Variants in IGSF3 observed in about 807,000 individuals in gnomAD.
IGSF3 encodes immunoglobulin superfamily member 3.
A neutral mutation model predicts 114.4 loss-of-function variants in IGSF3; 23 were observed. The observed-to-expected ratio is 0.20, with a 90% CI of 0.14 to 0.28. The LOEUF (loss-of-function observed/expected upper bound fraction) is 0.28, where lower values mean the gene tolerates loss of function less well. Among genes scored for constraint, IGSF3 ranks in the 10% least tolerant of loss-of-function variants. IGSF3 has a pLI of 1.00. For missense variants in IGSF3, 1,172 were observed against 1,591.5 expected, an observed-to-expected ratio of 0.74 and a Z score of 4.48; for synonymous variants, 571 against 645.2, an observed-to-expected ratio of 0.88 and a Z score of 1.74.
chr1:116,666,765 A>T lies in IGSF3; in HGVS notation c.-439T>A. On this transcript the variant is annotated 5_prime_UTR_variant, in exon 2 of 11. Coordinates refer to ENST00000369486, the MANE Select transcript of IGSF3 (RefSeq NM_001007237.3). ...TCGGATTCCCCAGAGAGAACAGGGCAGGTTTCGTCAAAACCTTTGACGGCC... is the reference window on the plus strand; with the variant it reads ...TCGGATTCCCCAGAGAGAACAGGGCTGGTTTCGTCAAAACCTTTGACGGCC... The T allele has an allele frequency of 2.4e-6, 1 of 422,124 alleles. No homozygotes were observed. The highest frequency in any genetic ancestry group is 4.2e-6 in the Non-Finnish European group (1 of 240,022). 26.1% of individuals were successfully genotyped at this position (422,124 alleles called of 1,614,324 possible).
intron 5 of IGSF3, among the ~76,000 whole-genome samples, chr1:116,606,984 C>T (rs183823992): frequency 1.3e-5 from 2 of 152,158 alleles, no homozygotes; most frequent in East Asian, 3.9e-4. Flanking sequence ...ACCGCTGTGG[C>T]TACTTGAAGA....
In IGSF3 at chr1:116,648,498, G is replaced by A. The variant is rs550602578; in HGVS notation, c.43+17786C>T. Among the ~76,000 whole-genome samples the A allele has an allele frequency of 1.3e-5, 2 of 152,290 alleles. No homozygotes were observed. Among genetic ancestry groups the A allele is most frequent in the East Asian group, 3.9e-4 (2 of 5,176 alleles). On this transcript the variant is annotated intron_variant, in intron 2 of 10. Transcript: ENST00000369486. This position sits in a 1 kb window ranked among gnomAD's most constrained non-coding sequence, Gnocchi z 4.7. ...TCTGCACTTTTACCTGCTGCCTGAC[G>A]AAAACCAGATGCCAAAGCCAAAGGC...
chr1:116,603,670 A>T lies in IGSF3; in HGVS notation c.1578T>A (p.Ile526=), dbSNP rs1466087139. Residue 526 remains isoleucine (I), a synonymous_variant, in exon 6 of 11, where the codon ATT becomes ATA. Coordinates refer to ENST00000369486, the MANE Select transcript of IGSF3 (RefSeq NM_001007237.3). This position sits in a 1 kb window ranked among gnomAD's most constrained non-coding sequence, Gnocchi z 7.1. ...GAGTGCTGGCCCGGCGCTCCCCAAC[A>T]ATCTGCCACTCGCCATCCACTGCCC... The part of the protein sequence containing the change: ...WVRAVDGEWQ[I]VGERRASTPI... 3 of 1,613,668 alleles carry T rather than the reference A, an allele frequency of 1.9e-6. No homozygotes were observed. The highest frequency in any genetic ancestry group is 2.5e-6 in the Non-Finnish European group (3 of 1,179,804).
intron 6 of IGSF3, among the ~76,000 whole-genome samples, chr1:116,601,238 T>A (rs1316062386): frequency 6.6e-6 from 1 of 152,212 alleles, no homozygotes; most frequent in African/African-American, 2.4e-5. Context: ...AGAGGTTAGA[T>A]AAATTGCCCA....
At position 116,655,012 on chromosome 1, in the gene IGSF3, TTAAG is replaced by T. The variant is rs1447251851; in HGVS notation, c.43+11268_43+11271del. 6.6e-6 allele frequency among the ~76,000 whole-genome samples: 1 copy of T among 151,888 alleles called. No homozygotes were observed. The highest frequency in any genetic ancestry group is 6.6e-5 in the Admixed American group (1 of 15,236). On this transcript the variant is annotated intron_variant, in intron 2 of 10. Transcript: ENST00000369486. The surrounding 1 kb of genome is among the most constrained non-coding windows in gnomAD (Gnocchi z 4.3). The stretch of plus-strand genomic sequence containing the variant: ...GAGAACAAAACAGGAAGAAAAGAGG[TTAAG>T]TAATGGCAAGAAAAAAGATGTACCT...
In IGSF3 at chr1:116,615,845, A is replaced by G. The variant is rs1661195176; in HGVS notation, c.421+235T>C. 6.6e-6 allele frequency among the ~76,000 whole-genome samples: 1 copy of G among 152,230 alleles called. No homozygotes were observed. Among genetic ancestry groups the G allele is most frequent in the Admixed American group, 6.5e-5 (1 of 15,286 alleles). Reference sequence around the variant, plus strand: ...TTTTCACCAGTTACAGGGTTAGTTAACTTATGAAATTCTTAACATCTGCAT... The same window carrying G: ...TTTTCACCAGTTACAGGGTTAGTTAGCTTATGAAATTCTTAACATCTGCAT... On this transcript the variant is annotated intron_variant, in intron 3 of 10. Coordinates refer to ENST00000369486, the MANE Select transcript of IGSF3 (RefSeq NM_001007237.3). This position sits in a 1 kb window ranked among gnomAD's most constrained non-coding sequence, Gnocchi z 4.3.
At position 116,614,515 on chromosome 1, in the gene IGSF3, G is replaced by A. The variant is rs1189561559; in HGVS notation, c.422-340C>T. Among the ~76,000 whole-genome samples the A allele has an allele frequency of 6.6e-6, 1 of 152,102 alleles. No homozygotes were observed. Among genetic ancestry groups the A allele is most frequent in the Non-Finnish European group, 1.5e-5 (1 of 68,020 alleles). ...TATAGGTCAAATAACATTTGCTGTT[G>A]ATTCTGGCACTTCTCTGAGATACTT... On this transcript the variant is annotated intron_variant, in intron 3 of 10. Transcript: ENST00000369486. This position sits in a 1 kb window ranked among gnomAD's most constrained non-coding sequence, Gnocchi z 4.5.
At position 116,649,032 on chromosome 1, in the gene IGSF3, C is replaced by T. The variant is rs545352430; in HGVS notation, c.43+17252G>A. ...GTCAGGAGAAGGTAGACAACTGTAC[C>T]ATGAAGACCACATACCACCCAGACC... On this transcript the variant is annotated intron_variant, in intron 2 of 10. Coordinates refer to ENST00000369486, the MANE Select transcript of IGSF3 (RefSeq NM_001007237.3). The surrounding 1 kb of genome is among the most constrained non-coding windows in gnomAD (Gnocchi z 4.5). 1.4e-4 allele frequency among the ~76,000 whole-genome samples: 21 copies of T among 152,328 alleles called. No individual in the cohort carries two copies. The highest frequency in any genetic ancestry group is 4.3e-4 in the African/African-American group (18 of 41,568).
At position 116,616,835 on chromosome 1, in the gene IGSF3, T is replaced by G. The variant is rs879482314; in HGVS notation, c.44-378A>C. 1.3e-5 allele frequency among the ~76,000 whole-genome samples: 2 copies of G among 152,186 alleles called. No homozygotes were observed. Among genetic ancestry groups the G allele is most frequent in the African/African-American group, 4.8e-5 (2 of 41,444 alleles). ...GGAAAAGTTGAATCCTTGGCACAAATTCAGATGAAAACAAATAAAAGCAAC... is the reference window on the plus strand; with the variant it reads ...GGAAAAGTTGAATCCTTGGCACAAAGTCAGATGAAAACAAATAAAAGCAAC... On this transcript the variant is annotated intron_variant, in intron 2 of 10. Coordinates refer to ENST00000369486, the MANE Select transcript of IGSF3 (RefSeq NM_001007237.3). The surrounding 1 kb of genome is among the most constrained non-coding windows in gnomAD (Gnocchi z 6.6).
In IGSF3 at chr1:116,624,122, C is replaced by T. The variant is rs1434125589; in HGVS notation, c.44-7665G>A. Among the ~76,000 whole-genome samples the T allele has an allele frequency of 2.0e-5, 3 of 151,194 alleles. No individual in the cohort carries two copies. Among genetic ancestry groups the T allele is most frequent in the South Asian group, 2.1e-4 (1 of 4,786 alleles). ...AAAAAAAAGGTCCCTGAGGATCCCT[C>T]GAGCCTGGGAGGCCGAGGCTGCCGT... On this transcript the variant is annotated intron_variant, in intron 2 of 10. Coordinates refer to ENST00000369486, the MANE Select transcript of IGSF3 (RefSeq NM_001007237.3). This position sits in a 1 kb window ranked among gnomAD's most constrained non-coding sequence, Gnocchi z 4.9.
At position 116,655,271 on chromosome 1, in the gene IGSF3, T is replaced by C. The variant is rs2101076459; in HGVS notation, c.43+11013A>G. Among the ~76,000 whole-genome samples the C allele has an allele frequency of 6.6e-6, 1 of 152,292 alleles. No individual in the cohort carries two copies. Among genetic ancestry groups the C allele is most frequent in the South Asian group, 2.1e-4 (1 of 4,824 alleles). On this transcript the variant is annotated intron_variant, in intron 2 of 10. Transcript: ENST00000369486. This position sits in a 1 kb window ranked among gnomAD's most constrained non-coding sequence, Gnocchi z 4.3. The stretch of plus-strand genomic sequence containing the variant: ...TCTTAGGAAAAGTATTAGAAGTAGA[T>C]TCTACTAGAACAGGGGCTACCCCCA...
Position 116,652,874 on chromosome 1 carries a change from T to C in IGSF3, c.43+13410A>G, listed in dbSNP as rs116578661. On this transcript the variant is annotated intron_variant, in intron 2 of 10. Coordinates refer to ENST00000369486, the MANE Select transcript of IGSF3 (RefSeq NM_001007237.3). ...TCAATGAGCCTAGACAGTGTCTTCA[T>C]GTGTGTTTGGCCTGCCATTGTTCTC... is the stretch of plus-strand genomic sequence containing the variant. 4.0e-3 allele frequency among the ~76,000 whole-genome samples: 602 copies of C among 152,332 alleles called. 5 individuals carry two copies. Among genetic ancestry groups the C allele is most frequent in the African/African-American group, 0.014 (571 of 41,576 alleles).
At position 116,594,547 on chromosome 1, in the gene IGSF3, C is replaced by T. The variant is rs1432429033; in HGVS notation, c.2029+5394G>A. 2.6e-5 allele frequency among the ~76,000 whole-genome samples: 4 copies of T among 152,188 alleles called. No homozygotes were observed. Among genetic ancestry groups the T allele is most frequent in the Non-Finnish European group, 5.9e-5 (4 of 68,030 alleles). On this transcript the variant is annotated intron_variant, in intron 7 of 10. Coordinates refer to ENST00000369486, the MANE Select transcript of IGSF3 (RefSeq NM_001007237.3). This position sits in a 1 kb window ranked among gnomAD's most constrained non-coding sequence, Gnocchi z 5.2. ...TTATAAATATTAACTATTTGGTCCT[C>T]ACCAATCCTATGAAATAAATATTAT...
chr1:116,618,728 A>G lies in IGSF3; in HGVS notation c.44-2271T>C, dbSNP rs1276616919. On this transcript the variant is annotated intron_variant, in intron 2 of 10. Coordinates refer to ENST00000369486, the MANE Select transcript of IGSF3 (RefSeq NM_001007237.3). The surrounding 1 kb of genome is among the most constrained non-coding windows in gnomAD (Gnocchi z 4.7). ...TGTATACACACACAAATATGGTGAC[A>G]TTTTAATCAAATGATTGCAGTATTC... Among the ~76,000 whole-genome samples, 1 of 152,252 alleles carries G rather than the reference A, an allele frequency of 6.6e-6. No homozygotes were observed. The highest frequency in any genetic ancestry group is 1.5e-5 in the Non-Finnish European group (1 of 68,038).
At chr1:116,619,655 C>T (rs1036671292) in intron 2 of IGSF3, among the ~76,000 whole-genome samples, 3 of 152,184 alleles carry the variant, frequency 2.0e-5, no homozygotes, top group Admixed American at 2.0e-4. Flanking sequence ...CTGTGCAGAC[C>T]TCTGCTGCCT....
chr1:116,610,574 C>T lies in IGSF3; in HGVS notation c.833-2243G>A, dbSNP rs187013661. Among the ~76,000 whole-genome samples, 1 of 152,296 alleles carries T rather than the reference C, an allele frequency of 6.6e-6. No homozygotes were observed. The highest frequency in any genetic ancestry group is 2.4e-5 in the African/African-American group (1 of 41,568). ...AAATGTCACAAATGATCCACCCTACCCCTACCCCCATCCTAACCAAAGGCT... is the reference window on the plus strand; with the variant it reads ...AAATGTCACAAATGATCCACCCTACTCCTACCCCCATCCTAACCAAAGGCT... On this transcript the variant is annotated intron_variant, in intron 4 of 10. Coordinates refer to ENST00000369486, the MANE Select transcript of IGSF3 (RefSeq NM_001007237.3). This position sits in a 1 kb window ranked among gnomAD's most constrained non-coding sequence, Gnocchi z 4.3.
intron 2 of IGSF3, among the ~76,000 whole-genome samples, chr1:116,640,000 G>A (rs1368740574): frequency 2.8e-5 from 4 of 143,688 alleles, no homozygotes; most frequent in Admixed American, 7.1e-5. Flanking sequence ...AGATGGCACC[G>A]CGGCACTCCA....
At chr1:116,581,822 G>GT (rs1659612551) in intron 9 of IGSF3, among the ~76,000 whole-genome samples, 1 of 152,188 alleles carries the variant, frequency 6.6e-6, no homozygotes, top group African/African-American at 2.4e-5. Context: ...CTCCTCAGTT[G>GT]TAACTCCAAG....
Position 116,607,817 on chromosome 1 carries a change from C to T in IGSF3, c.1222+125G>A. The T allele has an allele frequency of 1.1e-6, 1 of 938,028 alleles. No individual in the cohort carries two copies. The highest frequency in any genetic ancestry group is 1.6e-5 in the African/African-American group (1 of 61,006). The allele number at this position is 938,028 out of a possible 1,614,324, so 58.1% of individuals were successfully genotyped here. A position where few individuals can be genotyped will look rare whatever the true frequency, so the allele number is the denominator to read the frequency against. ...AGAGGCTCAATGGTTTTTCCCCCAG[C>T]TCTGCATTAACCTCGAGGGTTCCAT... On this transcript the variant is annotated intron_variant, in intron 5 of 10. Transcript: ENST00000369486. The surrounding 1 kb of genome is among the most constrained non-coding windows in gnomAD (Gnocchi z 6.1).
Sources: allele counts gnomAD v4.1 joint callset (sites outside exome capture counted in the v4.1 genomes callset), GRCh38; gene constraint gnomAD v4.1.1; non-coding constraint Gnocchi (gnomAD v3.1); transcripts MANE v1.5; gene names NCBI Gene and HGNC (gene_info 2026-07-23, HGNC 2026-07-21).